PLCH1: variants seen among roughly 807,000 people sequenced by gnomAD.
The protein encoded by PLCH1 is phospholipase C eta 1, also known as 1-phosphatidylinositol 4,5-bisphosphate phosphodiesterase eta-1.
Under a neutral mutation model 126.7 loss-of-function variants are expected in PLCH1, and 60 were observed. The observed-to-expected ratio is 0.47, with a 90% CI of 0.38 to 0.59. The LOEUF is 0.59. Ranked by LOEUF, PLCH1 falls within the 20% of genes least tolerant of loss-of-function variation. PLCH1 has a pLI of 0.00. For missense variants in PLCH1, 1,723 were observed against 2,040.0 expected (o/e 0.84, Z 2.99); for synonymous variants, 719 against 734.9 (o/e 0.98, Z 0.35).
At chr3:155,553,599 G>A (rs1726418371) in intron 9 of PLCH1, among the ~76,000 whole-genome samples, 1 of 152,132 alleles carries the variant, frequency 6.6e-6, no homozygotes, top group African/African-American at 2.4e-5. Flanking sequence ...GCAATGGAGG[G>A]GAGAATGATA....
At chr3:155,612,769 G>A (rs996451987) in intron 2 of PLCH1, among the ~76,000 whole-genome samples, 5 of 151,840 alleles carry the variant, frequency 3.3e-5, no homozygotes, top group African/African-American at 7.3e-5. Flanking sequence ...TTAGCCGGGC[G>A]TGGTGGTGCA....
At chr3:155,545,386 T>G (rs879090549) in intron 10 of PLCH1, among the ~76,000 whole-genome samples, 196 of 146,494 alleles carry the variant, frequency 1.3e-3, no homozygotes, top group African/African-American at 4.7e-3. Flanking sequence ...TGAAATTGTG[T>G]CAATAATCAA....
intron 1 of PLCH1, among the ~76,000 whole-genome samples, chr3:155,744,323 C>A (rs1388404354): frequency 6.6e-6 from 1 of 152,230 alleles, no homozygotes; most frequent in Non-Finnish European, 1.5e-5. Context: ...ATATCCTCCT[C>A]GCGCTGAGCA....
At chr3:155,467,008 C>A (rs1712951953) in intron 21 of PLCH1, among the ~76,000 whole-genome samples, 2 of 151,928 alleles carry the variant, frequency 1.3e-5, no homozygotes, top group South Asian at 4.2e-4. Flanking sequence ...AAAATAGCCT[C>A]AAAAGGGCTA....
At chr3:155,466,139 C>A (rs1475923265) in intron 21 of PLCH1, among the ~76,000 whole-genome samples, 1 of 152,212 alleles carries the variant, frequency 6.6e-6, no homozygotes, top group Non-Finnish European at 1.5e-5. Context: ...CTTCAGCAAA[C>A]ATAGGCAGTA....
intron 2 of PLCH1, among the ~76,000 whole-genome samples, chr3:155,617,683 G>A (rs1018385374): frequency 2.0e-5 from 3 of 152,146 alleles, no homozygotes; most frequent in Admixed American, 1.3e-4. Flanking sequence ...AGTTGGAGAC[G>A]CTGGTTACTT....
chr3:155,515,711 G>A (rs1014074328), intron 11 of PLCH1, among the ~76,000 whole-genome samples: 12 of 152,168 alleles, frequency 7.9e-5, no homozygotes, highest in South Asian at 2.1e-4. Context: ...CCCAGCCTCC[G>A]TTCATAGCTC....
intron 2 of PLCH1, among the ~76,000 whole-genome samples, chr3:155,699,406 A>C (rs1464268345): frequency 1.3e-5 from 2 of 152,190 alleles, no homozygotes; most frequent in East Asian, 3.8e-4. Flanking sequence ...GATGTTCATG[A>C]AATCTTGATT....
intron 21 of PLCH1, among the ~76,000 whole-genome samples, chr3:155,458,441 GGAAGGAAGGAAGGAAAGAAAGAAAGAAA>G (rs1269267057): frequency 7.1e-5 from 4 of 56,502 alleles, no homozygotes; most frequent in Admixed American, 2.0e-4. Context: ...AAGGAAGGAA[GGAAGGAAGGAAGGAAAGAAAGAAAGAAA>G]GAAAGAAAGA....
chr3:155,521,082 C>G (rs535209047), intron 11 of PLCH1, among the ~76,000 whole-genome samples: 1 of 152,142 alleles, frequency 6.6e-6, no homozygotes, highest in Non-Finnish European at 1.5e-5. Context: ...TTCTTTCAGG[C>G]CTTTGTTCAA....
intron 4 of PLCH1, among the ~76,000 whole-genome samples, chr3:155,588,071 T>C (rs1214060464): frequency 6.6e-6 from 1 of 152,194 alleles, no homozygotes; most frequent in Non-Finnish European, 1.5e-5. Context: ...ATTCAAATTA[T>C]GACTGTAGAA....
chr3:155,541,051 T>TA (rs1277157800), intron 10 of PLCH1, among the ~76,000 whole-genome samples: 1 of 152,156 alleles, frequency 6.6e-6, no homozygotes, highest in African/African-American at 2.4e-5. Context: ...CGTGGAATAC[T>TA]ACTCAGCCAT....
At chr3:155,583,044 C>T (rs1730919599) in intron 6 of PLCH1, among the ~76,000 whole-genome samples, 1 of 150,196 alleles carries the variant, frequency 6.7e-6, no homozygotes, top group Admixed American at 6.6e-5. Flanking sequence ...AAATATCTAG[C>T]TATTTTATTA....
Position 155,554,065 on chromosome 3 carries a change from G to T in PLCH1, c.1190+11C>A, listed in dbSNP as rs1726495907. On this transcript the variant is annotated intron_variant, in intron 9 of 22. Transcript: ENST00000460012. ...GGCTACCGCTTAGCTCACAGGTGCT[G>T]CTTTACTTACTCATTCTTCACAAAG... The T allele has an allele frequency of 9.9e-6, 16 of 1,613,006 alleles. No individual in the cohort carries two copies. Among genetic ancestry groups the T allele is most frequent in the Non-Finnish European group, 1.4e-5 (16 of 1,179,430 alleles).
chr3:155,502,392 G>A (rs1018704300), intron 13 of PLCH1, among the ~76,000 whole-genome samples: 4 of 152,020 alleles, frequency 2.6e-5, no homozygotes, highest in African/African-American at 9.7e-5. Context: ...ATAGTCTAAT[G>A]GACAACAATT....
intron 2 of PLCH1, among the ~76,000 whole-genome samples, chr3:155,640,776 T>A (rs1739307463): frequency 6.6e-6 from 1 of 152,134 alleles, no homozygotes; most frequent in Non-Finnish European, 1.5e-5. Flanking sequence ...GGACTAGAAG[T>A]TAAGTCACCA....
At chr3:155,705,617 G>T (rs1746603425) in intron 1 of PLCH1, among the ~76,000 whole-genome samples, 1 of 152,062 alleles carries the variant, frequency 6.6e-6, no homozygotes, top group Admixed American at 6.5e-5. Context: ...AGTTATATAT[G>T]TTCATTATTT....
chr3:155,652,253 T>C (rs1489616606), intron 2 of PLCH1, among the ~76,000 whole-genome samples: 1 of 152,212 alleles, frequency 6.6e-6, no homozygotes, highest in African/African-American at 2.4e-5. Context: ...TTGAGCACCA[T>C]GTTAAATTCC....
At chr3:155,537,198 A>AT (rs375890756) in intron 10 of PLCH1, among the ~76,000 whole-genome samples, 1 of 128,096 alleles carries the variant, frequency 7.8e-6, no homozygotes, top group East Asian at 2.4e-4. Context: ...AAAAAAAAAA[A>AT]AACCAAAAAA....
Sources: gnomAD v4.1 joint callset for allele counts (sites outside exome capture counted in the v4.1 genomes callset) on GRCh38, gnomAD v4.1.1 for gene constraint, MANE v1.5 for transcripts, NCBI Gene and HGNC (gene_info 2026-07-23, HGNC 2026-07-21) for gene names.